GRM1: variants seen among roughly 807,000 people sequenced by gnomAD.
GRM1 encodes metabotropic glutamate receptor 1.
GRM1 carries 33 observed loss-of-function variants against 90.9 expected under a neutral mutation model. The observed-to-expected ratio is 0.36, with a 90% CI of 0.28 to 0.49. The LOEUF is 0.49. Among genes scored for constraint, GRM1 ranks in the 20% least tolerant of loss-of-function variants. The pLI is 0.99. For missense variants in GRM1, 1,190 were observed against 1,534.3 expected, an observed-to-expected ratio of 0.78 and a Z score of 3.75; for synonymous variants, 700 against 613.2, an observed-to-expected ratio of 1.14 and a Z score of -2.09.
At chr6:146,243,708 A>G (rs1163437508) in intron 2 of GRM1, among the ~76,000 whole-genome samples, 1 of 152,136 alleles carries the variant, frequency 6.6e-6, no homozygotes, top group Non-Finnish European at 1.5e-5. Flanking sequence ...CTGGGCACGC[A>G]TCGTCATTGA....
At chr6:146,332,835 C>T (rs180876087) in intron 3 of GRM1, among the ~76,000 whole-genome samples, 10 of 152,226 alleles carry the variant, frequency 6.6e-5, no homozygotes, top group Admixed American at 2.0e-4. Context: ...ATGAGCTTGG[C>T]GACCCTGCCA....
intron 2 of GRM1, among the ~76,000 whole-genome samples, chr6:146,169,104 A>C (rs150239077): frequency 2.2e-3 from 329 of 152,196 alleles, no homozygotes; most frequent in African/African-American, 7.6e-3. Context: ...TAGAAATTTT[A>C]TCTATTTATT....
chr6:146,156,434 A>C (rs1777531512), intron 1 of GRM1, among the ~76,000 whole-genome samples: 1 of 152,286 alleles, frequency 6.6e-6, no homozygotes, highest in East Asian at 1.9e-4. Flanking sequence ...GTAGGCTTCT[A>C]TCAGTCCCAG....
intron 2 of GRM1, among the ~76,000 whole-genome samples, chr6:146,282,927 T>C (rs1178404648): frequency 1.3e-5 from 2 of 152,202 alleles, no homozygotes. Flanking sequence ...AATCCCTGTC[T>C]CTTGATTTGG....
chr6:146,083,718 GT>G (rs1401426039), intron 1 of GRM1, among the ~76,000 whole-genome samples: 2 of 152,160 alleles, frequency 1.3e-5, no homozygotes, highest in Non-Finnish European at 2.9e-5. Context: ...TCTCTGCCAG[GT>G]TTTGGTATCA....
intron 1 of GRM1, among the ~76,000 whole-genome samples, chr6:146,093,585 T>G (rs570001511): frequency 1.3e-5 from 2 of 152,206 alleles, no homozygotes; most frequent in South Asian, 4.1e-4. Flanking sequence ...ATCACACTGT[T>G]TTATATCCTT....
At chr6:146,431,926 G>A (rs1395545089) in intron 7 of GRM1, among the ~76,000 whole-genome samples, 1 of 152,190 alleles carries the variant, frequency 6.6e-6, no homozygotes, top group African/African-American at 2.4e-5. Flanking sequence ...TGGAAGATGA[G>A]TTTACCTACA....
intron 2 of GRM1, among the ~76,000 whole-genome samples, chr6:146,226,507 GCT>G (rs1780244237): frequency 1.3e-5 from 2 of 152,052 alleles, no homozygotes; most frequent in Non-Finnish European, 2.9e-5. Flanking sequence ...ATTTTCTGTT[GCT>G]TGCATATGAA....
intron 7 of GRM1, among the ~76,000 whole-genome samples, chr6:146,426,247 C>T (rs1778206358): frequency 6.6e-6 from 1 of 152,088 alleles, no homozygotes; most frequent in Non-Finnish European, 1.5e-5. Context: ...AGATGAAGTC[C>T]ACTGCCACAA....
At chr6:146,082,371 G>A (rs1236517751) in intron 1 of GRM1, among the ~76,000 whole-genome samples, 1 of 152,108 alleles carries the variant, frequency 6.6e-6, no homozygotes, top group African/African-American at 2.4e-5. Flanking sequence ...GGTGAGGCTG[G>A]TCTCGAACTC....
chr6:146,295,282 G>A (rs1783136110), intron 2 of GRM1, among the ~76,000 whole-genome samples: 1 of 152,072 alleles, frequency 6.6e-6, no homozygotes, highest in African/African-American at 2.4e-5. Flanking sequence ...AATGTGCAAT[G>A]GTATGATCTT....
At chr6:146,391,018 AG>A (rs1776696402) in intron 6 of GRM1, among the ~76,000 whole-genome samples, 1 of 152,140 alleles carries the variant, frequency 6.6e-6, no homozygotes, top group African/African-American at 2.4e-5. Context: ...TAAAACAATC[AG>A]GGAAGCATTT....
At chr6:146,033,686 TC>T (rs1790783898) in intron 1 of GRM1, among the ~76,000 whole-genome samples, 1 of 152,038 alleles carries the variant, frequency 6.6e-6, no homozygotes, top group Non-Finnish European at 1.5e-5. Context: ...TAGATTTTGA[TC>T]TTGGTGTGAC....
At chr6:146,228,521 G>C (rs1583193385) in intron 2 of GRM1, among the ~76,000 whole-genome samples, 1 of 152,258 alleles carries the variant, frequency 6.6e-6, no homozygotes, top group South Asian at 2.1e-4. Flanking sequence ...CAGTGGCAAT[G>C]AAATTTCAAC....
intron 3 of GRM1, among the ~76,000 whole-genome samples, chr6:146,349,582 A>G (rs557320733): frequency 3.3e-5 from 5 of 152,098 alleles, no homozygotes; most frequent in African/African-American, 1.2e-4. Flanking sequence ...TTTTTTCTGT[A>G]ACACTGATTT....
At chr6:146,162,389 A>T (rs551313846) in intron 2 of GRM1, among the ~76,000 whole-genome samples, 2 of 152,306 alleles carry the variant, frequency 1.3e-5, no homozygotes, top group East Asian at 3.9e-4. Context: ...CACACTTCAC[A>T]TGCAATGTGT....
At chr6:146,237,377 T>C (rs1780686959) in intron 2 of GRM1, among the ~76,000 whole-genome samples, 1 of 152,062 alleles carries the variant, frequency 6.6e-6, no homozygotes, top group African/African-American at 2.4e-5. Context: ...ATTCCTTAAG[T>C]CATAGTTTAT....
At chr6:146,244,911 CTGA>C (rs1202619791) in intron 2 of GRM1, among the ~76,000 whole-genome samples, 1 of 152,200 alleles carries the variant, frequency 6.6e-6, no homozygotes, top group Non-Finnish European at 1.5e-5. Flanking sequence ...TCAGCTACTG[CTGA>C]TAATTCAGAA....
chr6:146,208,492 C>T (rs900900258), intron 2 of GRM1, among the ~76,000 whole-genome samples: 5 of 152,054 alleles, frequency 3.3e-5, no homozygotes, highest in Admixed American at 2.6e-4. Context: ...TAAATATGTT[C>T]CCCTTTCCAC....
Sources: gnomAD v4.1 joint callset for allele counts (sites outside exome capture counted in the v4.1 genomes callset) on GRCh38, gnomAD v4.1.1 for gene constraint, MANE v1.5 for transcripts, NCBI Gene and HGNC (gene_info 2026-07-23, HGNC 2026-07-21) for gene names.